Variants in RTN4 observed in about 807,000 individuals in gnomAD.
RTN4 encodes the protein reticulon 4.
A neutral mutation model predicts 90.4 loss-of-function variants in RTN4; 32 were observed. The ratio of observed to expected loss-of-function variants is 0.35; its 90% CI spans 0.27 to 0.48. The LOEUF (loss-of-function observed/expected upper bound fraction) is 0.48, where lower values mean the gene tolerates loss of function less well. Ranked by LOEUF, RTN4 falls within the 20% of genes least tolerant of loss-of-function variation. RTN4 has a pLI of 0.99. For missense variants in RTN4, 1,706 were observed against 1,430.2 expected (o/e 1.19, Z -3.11); for synonymous variants, 629 against 552.5 (o/e 1.14, Z -1.94).
Position 55,109,690 on chromosome 2 carries a change from C to T in RTN4, c.-214+2830G>A, listed in dbSNP as rs945245302. Among the ~76,000 whole-genome samples the T allele has an allele frequency of 2.5e-4, 38 of 152,132 alleles. 1 individual carries two copies. Among genetic ancestry groups the T allele is most frequent in the Admixed American group, 1.1e-3 (17 of 15,272 alleles). ...GCAAGGGGGTGTTACTGTATATGTT[C>T]CATGTTAGGGGTTTGTCCAAGAAAA... On this transcript the variant is annotated intron_variant, in intron 1 of 3. Coordinates refer to the RTN4 transcript ENST00000427710.
intron 2 of RTN4, among the ~76,000 whole-genome samples, chr2:55,061,841 C>A (rs1382385008): frequency 6.6e-6 from 1 of 152,162 alleles, no homozygotes; most frequent in Non-Finnish European, 1.5e-5. Context: ...ACAGGCACTC[C>A]TGCCTTGGCG....
At chr2:54,988,562 C>G (rs1006986457) in intron 3 of RTN4, among the ~76,000 whole-genome samples, 26 of 152,078 alleles carry the variant, frequency 1.7e-4, no homozygotes, top group African/African-American at 6.3e-4. Context: ...CTCTTAAGAT[C>G]TGTCTTTTAG....
rs1317073485 is a variant in RTN4 at position 55,058,110 on chromosome 2, C to G, written c.-63+22379G>C. 2.0e-5 allele frequency among the ~76,000 whole-genome samples: 3 copies of G among 152,026 alleles called. No homozygotes were observed. In the East Asian group the frequency reaches 5.8e-4, roughly 29 times the overall value. On this transcript the variant is annotated intron_variant, in intron 2 of 3. Transcript: ENST00000427710. ...TGAGGGACTTTAAAAACTGGAGAGG[C>G]CTCAGGGACTGATTCATGATCTACA... is the stretch of plus-strand genomic sequence containing the variant.
chr2:55,081,325 C>A (rs773950985), intron 1 of RTN4, among the ~76,000 whole-genome samples: 2 of 152,122 alleles, frequency 1.3e-5, no homozygotes, highest in African/African-American at 4.8e-5. Flanking sequence ...GATCCTCCTT[C>A]GTCAGACTCC....
intron 5 of RTN4, among the ~76,000 whole-genome samples, chr2:54,976,722 G>A (rs1677666105): frequency 1.3e-5 from 2 of 152,162 alleles, no homozygotes; most frequent in South Asian, 4.1e-4. Context: ...TTATTAATGG[G>A]AATCCACCAC....
chr2:55,091,201 T>C (rs1668929526), intron 1 of RTN4, among the ~76,000 whole-genome samples: 1 of 152,162 alleles, frequency 6.6e-6, no homozygotes, highest in Non-Finnish European at 1.5e-5. Flanking sequence ...TTTACAATCA[T>C]TCATGGCTTC....
intron 1 of RTN4, among the ~76,000 whole-genome samples, chr2:55,090,775 A>G (rs978757229): frequency 6.6e-6 from 1 of 152,166 alleles, no homozygotes; most frequent in Non-Finnish European, 1.5e-5. Flanking sequence ...TAAAATGGCC[A>G]AAAACCAAAC....
At chr2:55,121,248 G>A in the RTN4 span, among the ~76,000 whole-genome samples, 11 of 152,184 alleles carry the variant, frequency 7.2e-5, no homozygotes, top group African/African-American at 1.4e-4. Context: ...TCACAGTCTG[G>A]TAAAAATTAC....
intron 3 of RTN4, among the ~76,000 whole-genome samples, chr2:55,020,873 C>T (rs368400391): frequency 6.6e-6 from 1 of 151,870 alleles, no homozygotes; most frequent in South Asian, 2.1e-4. Context: ...CATAGTGACA[C>T]GAGCCTTTGG....
the RTN4 span, among the ~76,000 whole-genome samples, chr2:55,135,782 C>T: frequency 6.6e-6 from 1 of 152,154 alleles, no homozygotes; most frequent in Non-Finnish European, 1.5e-5. Flanking sequence ...ATGGAGTTTG[C>T]ATTTGCTAGA....
chr2:54,981,348 T>G (rs1284025893), intron 5 of RTN4, among the ~76,000 whole-genome samples: 1 of 152,140 alleles, frequency 6.6e-6, no homozygotes, highest in Non-Finnish European at 1.5e-5. Context: ...AAATTGTTTT[T>G]CTGAGTCTAA....
At chr2:55,035,606 C>G (rs562223726) in intron 1 of RTN4, among the ~76,000 whole-genome samples, 1 of 151,072 alleles carries the variant, frequency 6.6e-6, no homozygotes, top group African/African-American at 2.4e-5. Context: ...AGAGCAGAAA[C>G]CAATGATAGA....
chr2:55,072,523 C>A (rs1211491171), intron 2 of RTN4, among the ~76,000 whole-genome samples: 2 of 152,202 alleles, frequency 1.3e-5, no homozygotes, highest in Non-Finnish European at 2.9e-5. Context: ...GCCACCGCAC[C>A]CGGCCCAGTA....
the RTN4 span, among the ~76,000 whole-genome samples, chr2:55,123,043 A>G: frequency 6.6e-6 from 1 of 152,244 alleles, no homozygotes; most frequent in South Asian, 2.1e-4. Flanking sequence ...TCCAATATCC[A>G]CAGACTTAGA....
At chr2:54,984,464 G>A (rs1334083110) in intron 4 of RTN4, among the ~76,000 whole-genome samples, 1 of 152,198 alleles carries the variant, frequency 6.6e-6, no homozygotes, top group Non-Finnish European at 1.5e-5. Context: ...ACCCAAATTT[G>A]AGAAATATAG....
At chr2:55,125,621 G>T in the RTN4 span, among the ~76,000 whole-genome samples, 27 of 152,070 alleles carry the variant, frequency 1.8e-4, no homozygotes, top group Admixed American at 3.9e-4. Flanking sequence ...CAAAAATTAG[G>T]TGGGCACGGT....
In RTN4 at chr2:55,027,187, G is replaced by C; in HGVS notation, c.912C>G (p.Phe304Leu). Residue 304 changes from phenylalanine to leucine, a missense_variant, in exon 3 of 9, where the codon TTC becomes TTG. Physicochemically the swap from Phe to Leu is conservative, Grantham distance 22. Coordinates refer to ENST00000337526, the MANE Select transcript of RTN4 (RefSeq NM_020532.5). Reference protein sequence around the residue: ...ELEYSEMGSSFSVSPKAESAV... With the variant: ...ELEYSEMGSSLSVSPKAESAV... ...CAGATTCTGCTTTTGGAGAGACACT[G>C]AACGATGATCCCATTTCTGAGTATT... 3 of 1,613,594 alleles carry C rather than the reference G, an allele frequency of 1.9e-6. No homozygotes were observed. The highest frequency in any genetic ancestry group is 2.5e-6 in the Non-Finnish European group (3 of 1,179,738).
intron 2 of RTN4, among the ~76,000 whole-genome samples, chr2:55,062,667 T>C (rs1051455944): frequency 2.0e-5 from 3 of 152,220 alleles, no homozygotes; most frequent in Admixed American, 6.5e-5. Flanking sequence ...GACCCCTGGA[T>C]TGAGGTGATG....
intron 2 of RTN4, among the ~76,000 whole-genome samples, chr2:55,076,070 T>C (rs947753925): frequency 6.6e-6 from 1 of 152,032 alleles, no homozygotes; most frequent in African/African-American, 2.4e-5. Flanking sequence ...AACAAAAAGA[T>C]AAATAGATGG....
Sources: allele counts gnomAD v4.1 joint callset (sites outside exome capture counted in the v4.1 genomes callset), GRCh38; gene constraint gnomAD v4.1.1; transcripts MANE v1.5; gene names NCBI Gene and HGNC (gene_info 2026-07-23, HGNC 2026-07-21).